CDH12: variants seen among roughly 807,000 people sequenced by gnomAD.
The protein encoded by CDH12 is cadherin 12, also known as cadherin-12.
Under a neutral mutation model 74.1 loss-of-function variants are expected in CDH12, and 41 were observed. That is an observed-to-expected ratio of 0.55 (90% confidence interval 0.43 to 0.72). CDH12 has a LOEUF of 0.72. CDH12 is among the 30% of genes least tolerant of loss of function. The pLI is 0.00. For synonymous variants in CDH12, 399 were observed against 355.0 expected, an observed-to-expected ratio of 1.12 and a Z score of -1.39; for missense variants, 945 against 977.2, an observed-to-expected ratio of 0.97 and a Z score of 0.44.
At chr5:21,887,256 T>G (rs897926507) in intron 6 of CDH12, among the ~76,000 whole-genome samples, 2 of 152,184 alleles carry the variant, frequency 1.3e-5, no homozygotes, top group African/African-American at 4.8e-5. Flanking sequence ...CTTGCTGATA[T>G]TGTTTTCAGA....
At chr5:22,223,301 T>G (rs1752081946) in intron 3 of CDH12, among the ~76,000 whole-genome samples, 1 of 152,048 alleles carries the variant, frequency 6.6e-6, no homozygotes, top group South Asian at 2.1e-4. Flanking sequence ...TCAAGGTGTC[T>G]GTCAAGTTGC....
rs140095415 is a variant in CDH12 at position 22,844,065 on chromosome 5, A to G, written c.-523+8993T>C. ...CCTGCCCATGGTTTTTCCATCCTTCATCAAGATAAAAAAGAGAAAATGCCT... is the reference window on the plus strand; with the variant it reads ...CCTGCCCATGGTTTTTCCATCCTTCGTCAAGATAAAAAAGAGAAAATGCCT... On this transcript the variant is annotated intron_variant, in intron 1 of 14. Coordinates refer to ENST00000382254, the MANE Select transcript of CDH12 (RefSeq NM_004061.5). Among the ~76,000 whole-genome samples, 293 of 152,166 alleles carry G rather than the reference A, an allele frequency of 1.9e-3. 2 individuals are homozygous for G. Among genetic ancestry groups the G allele is most frequent in the African/African-American group, 6.9e-3 (287 of 41,554 alleles).
In CDH12 at chr5:22,474,275, GA is replaced by G. The variant is rs1458698249; in HGVS notation, c.-428+30994del. On this transcript the variant is annotated intron_variant, in intron 2 of 14. Coordinates refer to ENST00000382254, the MANE Select transcript of CDH12 (RefSeq NM_004061.5). ...AGCTGGGTCCCAAAGGAAAAGCCAAGAACTGTATTTTCAAATAATTGTAGCA... is the reference window on the plus strand; with the variant it reads ...AGCTGGGTCCCAAAGGAAAAGCCAAGACTGTATTTTCAAATAATTGTAGCA... Among the ~76,000 whole-genome samples the G allele has an allele frequency of 2.6e-5, 4 of 152,250 alleles. No homozygotes were observed. The East Asian group carries it at 7.7e-4, about 29-fold the overall frequency.
At chr5:22,117,490 TATATATATATA>T (rs1745222060) in intron 4 of CDH12, among the ~76,000 whole-genome samples, 3 of 69,034 alleles carry the variant, frequency 4.3e-5, no homozygotes, top group Admixed American at 2.3e-4. Context: ...ATATATATAT[TATATATATATA>T]ATATATATAT....
intron 5 of CDH12, among the ~76,000 whole-genome samples, chr5:21,984,010 T>A (rs575349054): frequency 6.6e-6 from 1 of 152,320 alleles, no homozygotes; most frequent in South Asian, 2.1e-4. Context: ...TTAAATTATC[T>A]CTTCCTTCAG....
chr5:21,814,877 T>A (rs1436367857), intron 9 of CDH12, among the ~76,000 whole-genome samples: 1 of 151,674 alleles, frequency 6.6e-6, no homozygotes, highest in Non-Finnish European at 1.5e-5. Context: ...AGGGAAAAAA[T>A]TAAGTGAGAA....
At chr5:22,848,843 C>G (rs1737422860) in intron 1 of CDH12, among the ~76,000 whole-genome samples, 1 of 152,082 alleles carries the variant, frequency 6.6e-6, no homozygotes. Flanking sequence ...ATCTGTCTTT[C>G]TTCCCCATTT....
chr5:22,749,842 C>A (rs1224425889), intron 1 of CDH12, among the ~76,000 whole-genome samples: 1 of 152,210 alleles, frequency 6.6e-6, no homozygotes. Flanking sequence ...TGTAAATAGG[C>A]AGTACATTCT....
intron 2 of CDH12, among the ~76,000 whole-genome samples, chr5:22,490,688 C>A (rs769682944): frequency 6.6e-6 from 1 of 152,106 alleles, no homozygotes; most frequent in Non-Finnish European, 1.5e-5. Context: ...TGTCTTACTT[C>A]TACTAAATAT....
intron 1 of CDH12, among the ~76,000 whole-genome samples, chr5:22,519,970 T>C (rs1736979357): frequency 6.6e-6 from 1 of 152,196 alleles, no homozygotes; most frequent in Non-Finnish European, 1.5e-5. Context: ...ACTTGTTTTT[T>C]TTCTCTCTGG....
intron 11 of CDH12, 69 bp from the exon 12 acceptor site, chr5:21,765,168 G>A: frequency 8.0e-7 from 1 of 1,256,078 alleles, no homozygotes; most frequent in East Asian, 2.7e-5. Context: ...ACAATAAATA[G>A]TATTTACATT....
chr5:22,278,968 A>G (rs973181634), intron 3 of CDH12, among the ~76,000 whole-genome samples: 4 of 152,198 alleles, frequency 2.6e-5, no homozygotes, highest in Admixed American at 1.3e-4. Flanking sequence ...AGAGAAATAT[A>G]TCTAAATAAC....
chr5:22,777,006 AT>A (rs35073063), intron 1 of CDH12, among the ~76,000 whole-genome samples: 1 of 152,212 alleles, frequency 6.6e-6, no homozygotes, highest in African/African-American at 2.4e-5. Context: ...CCACACCTCC[AT>A]TTTTTAATAT....
intron 1 of CDH12, among the ~76,000 whole-genome samples, chr5:22,753,474 G>A (rs572984011): frequency 8.1e-5 from 12 of 148,622 alleles, no homozygotes; most frequent in Middle Eastern, 3.5e-3. Flanking sequence ...AGGGCCTTGT[G>A]GGCCTTGGTG....
intron 1 of CDH12, among the ~76,000 whole-genome samples, chr5:22,747,606 C>CCA (rs1745361115): frequency 3.1e-5 from 1 of 32,722 alleles, no homozygotes; most frequent in Admixed American, 4.2e-4. Flanking sequence ...TGAGACGCTG[C>CCA]CAAAAAAAAA....
intron 9 of CDH12, among the ~76,000 whole-genome samples, chr5:21,806,181 T>C (rs977486384): frequency 6.6e-6 from 1 of 152,138 alleles, no homozygotes; most frequent in Non-Finnish European, 1.5e-5. Flanking sequence ...AAAAATATTT[T>C]ACCCCCCAAG....
At chr5:22,208,618 A>G (rs1751359443) in intron 4 of CDH12, among the ~76,000 whole-genome samples, 1 of 152,202 alleles carries the variant, frequency 6.6e-6, no homozygotes, top group African/African-American at 2.4e-5. Flanking sequence ...TTGTTATTTC[A>G]CACAGAACAT....
chr5:22,579,497 T>C (rs571268605), intron 1 of CDH12, among the ~76,000 whole-genome samples: 41 of 152,186 alleles, frequency 2.7e-4, no homozygotes, highest in Non-Finnish European at 5.6e-4. Flanking sequence ...TTTTCATTAT[T>C]ATTTATGATT....
At chr5:22,745,208 G>A (rs1445498237) in intron 1 of CDH12, among the ~76,000 whole-genome samples, 1 of 151,810 alleles carries the variant, frequency 6.6e-6, no homozygotes, top group African/African-American at 2.4e-5. Context: ...ATTAAAATTA[G>A]TATCATGGTA....
Sources: gnomAD v4.1 joint callset for allele counts (sites outside exome capture counted in the v4.1 genomes callset) on GRCh38, gnomAD v4.1.1 for gene constraint, MANE v1.5 for transcripts, NCBI Gene and HGNC (gene_info 2026-07-23, HGNC 2026-07-21) for gene names.